The following ELAVL2 variants were observed in gnomAD, a reference collection of about 807,000 sequenced individuals.
The protein encoded by ELAVL2 is ELAV like RNA binding protein 2.
In ELAVL2, 4 loss-of-function variants were observed where a neutral mutation model predicts 34.6. That is an observed-to-expected ratio of 0.12 (90% CI 0.06 to 0.26). The LOEUF is 0.26. ELAVL2 is among the 10% of genes least tolerant of loss of function. The pLI is 1.00. For synonymous variants in ELAVL2, 193 were observed against 154.8 expected (o/e 1.25, Z -1.83); for missense variants, 432 against 442.8 (o/e 0.98, Z 0.22).
intron 1 of ELAVL2, among the ~76,000 whole-genome samples, chr9:23,807,201 T>C (rs1422336998): frequency 6.6e-6 from 1 of 152,164 alleles, no homozygotes. Context: ...AGCTTAATAA[T>C]CTAATAAGGT....
chr9:23,847,659 G>GA, the ELAVL2 span, among the ~76,000 whole-genome samples: 2 of 151,838 alleles, frequency 1.3e-5, no homozygotes, highest in Non-Finnish European at 2.9e-5. Flanking sequence ...GTATTTTGTA[G>GA]AAAAAAATTG....
chr9:23,762,285 T>C (rs1342176257), intron 1 of ELAVL2, 36 bp from the exon 2 acceptor site: 1 of 1,607,800 alleles, frequency 6.2e-7, no homozygotes, highest in Non-Finnish European at 8.5e-7. Flanking sequence ...TCAGAATTCA[T>C]ATTTCACAAC....
At chr9:23,783,396 AG>A in intron 1 of ELAVL2, 2 of 972,348 alleles carry the variant, frequency 2.1e-6, no homozygotes, top group Non-Finnish European at 2.4e-6. Flanking sequence ...GTTAAACTGA[AG>A]AAAAACATGT....
intron 2 of ELAVL2, among the ~76,000 whole-genome samples, chr9:23,743,503 G>A (rs764273347): frequency 2.6e-5 from 4 of 152,094 alleles, no homozygotes; most frequent in Admixed American, 6.6e-5. Flanking sequence ...TATAGTAAAC[G>A]CATTATCCTG....
intron 1 of ELAVL2, among the ~76,000 whole-genome samples, chr9:23,782,347 C>A (rs1185986472): frequency 6.6e-6 from 1 of 151,474 alleles, no homozygotes; most frequent in Non-Finnish European, 1.5e-5. Flanking sequence ...CCAGCCTGGC[C>A]AACATGGTGA....
In ELAVL2 at chr9:23,762,139, C is replaced by G. The variant is rs2136022013; in HGVS notation, c.96G>C (p.Gly32=). The change falls in exon 2 of 7, where the codon GGG becomes GGC. Residue 32 remains glycine (G), a synonymous_variant. Transcript: ENST00000397312. ...NNNCSSPVDS[G]NTEDSKTNLI... is the part of the protein sequence containing the mutation. ...AGTTGGTCTTGCTGTCTTCTGTGTT[C>G]CCAGAGTCAACTGGTGACGAACAGT... 1 of 1,613,560 alleles carries G rather than the reference C, an allele frequency of 6.2e-7. No individual in the cohort carries two copies. The highest frequency in any genetic ancestry group is 1.1e-5 in the South Asian group (1 of 91,068).
the ELAVL2 span, among the ~76,000 whole-genome samples, chr9:23,832,466 A>AT: frequency 7.9e-5 from 12 of 152,200 alleles, no homozygotes; most frequent in East Asian, 1.9e-4. Context: ...ATTTAAATAG[A>AT]TTTTTTTCAC....
chr9:23,753,740 C>T (rs963644932), intron 2 of ELAVL2, among the ~76,000 whole-genome samples: 1 of 152,226 alleles, frequency 6.6e-6, no homozygotes, highest in Admixed American at 6.5e-5. Flanking sequence ...CTCTTCTATA[C>T]CACCAATCTC....
intron 1 of ELAVL2, among the ~76,000 whole-genome samples, chr9:23,797,424 G>A (rs185946381): frequency 3.3e-5 from 5 of 152,258 alleles, no homozygotes; most frequent in South Asian, 2.1e-4. Context: ...TCATCTTCAT[G>A]TTATCTGGTA....
At chr9:23,818,360 GT>G (rs1163520660) in intron 1 of ELAVL2, among the ~76,000 whole-genome samples, 1 of 152,150 alleles carries the variant, frequency 6.6e-6, no homozygotes, top group African/African-American at 2.4e-5. Context: ...AAAATGCAGG[GT>G]AACCTTGTCC....
chr9:23,693,594 T>C, intron 5 of ELAVL2, 108 bp from the exon 6 acceptor site: 1 of 1,316,474 alleles, frequency 7.6e-7, no homozygotes, highest in Non-Finnish European at 1.1e-6. Flanking sequence ...GTACACTGAT[T>C]ATATGTGAAG....
intron 1 of ELAVL2, among the ~76,000 whole-genome samples, chr9:23,767,762 G>C (rs1421593747): frequency 6.6e-6 from 1 of 152,188 alleles, no homozygotes; most frequent in Non-Finnish European, 1.5e-5. Flanking sequence ...GACAGTGAGA[G>C]ACTCTGTCTC....
Position 23,762,194 on chromosome 9 carries a change from G to A in ELAVL2, c.41C>T (p.Thr14Ile), listed in dbSNP as rs1436458683. The stretch of plus-strand genomic sequence containing the variant: ...GTTTATGGTGGTTGGACCATTGGCT[G>A]TGTTATTGCAAGTTGGCCCATTAGA... ...QLSNGPTCNN[T>I]ANGPTTINNN... Residue 14 changes from threonine (T) to isoleucine (I), a missense_variant, in exon 2 of 7, where the codon ACA (threonine) becomes ATA (isoleucine). Thr to Ile is a moderately conservative substitution (Grantham distance 89, BLOSUM62 -1). Transcript: ENST00000397312. The A allele has an allele frequency of 6.2e-7, 1 of 1,613,596 alleles. No individual in the cohort carries two copies. The highest frequency in any genetic ancestry group is 2.2e-5 in the East Asian group (1 of 44,872).
intron 1 of ELAVL2, among the ~76,000 whole-genome samples, chr9:23,819,966 G>T (rs1382700675): frequency 6.6e-6 from 1 of 151,954 alleles, no homozygotes; most frequent in Non-Finnish European, 1.5e-5. Flanking sequence ...TATAAAGAAG[G>T]CCCCTACCAC....
In ELAVL2 at chr9:23,699,812, GTTTTTTTTTTTTTTTTTTT is replaced by G. The variant is rs199637833; in HGVS notation, c.713+1548_713+1566del. Among the ~76,000 whole-genome samples the G allele has an allele frequency of 9.8e-3, 813 of 82,972 alleles. 21 individuals are homozygous for G. Among genetic ancestry groups the G allele is most frequent in the African/African-American group, 0.034 (769 of 22,928 alleles). The allele number at this position is 82,972 out of a possible 152,430, so 54.4% of individuals were successfully genotyped here. A position where few individuals can be genotyped will look rare whatever the true frequency, so the allele number is the denominator to read the frequency against. ...CCATGGGAAGTCAAAGGTGGCAAAG[GTTTTTTTTTTTTTTTTTTT>G]TTTTTTTTTTTTTTTTTTTTTAATA... On this transcript the variant is annotated intron_variant, in intron 5 of 6. Transcript: ENST00000397312.
rs1362222470 is a variant in ELAVL2 at position 23,735,646 on chromosome 9, T to G, written c.230-4521A>C. The G allele has an allele frequency of 2.0e-5, 3 of 152,230 alleles. No individual in the cohort carries two copies. In the East Asian group the frequency reaches 5.8e-4, roughly 29 times the overall value. 9.4% of individuals were successfully genotyped at this position (152,230 alleles called of 1,614,324 possible). ...TTTGCTATATTCTGTGCTGCACTGT[T>G]GTGTATGAATGCCTTTTGTTTCACA... On this transcript the variant is annotated intron_variant, in intron 2 of 6. Transcript: ENST00000397312.
At chr9:23,758,489 T>C (rs537260983) in intron 2 of ELAVL2, among the ~76,000 whole-genome samples, 1 of 152,224 alleles carries the variant, frequency 6.6e-6, no homozygotes, top group South Asian at 2.1e-4. Context: ...GTGGTCCAAA[T>C]CAAACCAAGA....
chr9:23,743,527 GCA>G (rs2049786547), intron 2 of ELAVL2, among the ~76,000 whole-genome samples: 1 of 152,156 alleles, frequency 6.6e-6, no homozygotes, highest in Non-Finnish European at 1.5e-5. Context: ...AATGAGCAGA[GCA>G]CAGAGGCTTG....
intron 2 of ELAVL2, among the ~76,000 whole-genome samples, chr9:23,739,498 T>C (rs2048648498): frequency 6.6e-6 from 1 of 152,102 alleles, no homozygotes; most frequent in Non-Finnish European, 1.5e-5. Flanking sequence ...ACTTTCTCAT[T>C]TCTTTGTTAA....
Sources: gnomAD v4.1 joint callset for allele counts (sites outside exome capture counted in the v4.1 genomes callset) on GRCh38, gnomAD v4.1.1 for gene constraint, MANE v1.5 for transcripts, NCBI Gene and HGNC (gene_info 2026-07-23, HGNC 2026-07-21) for gene names.